ST8SIA5: variants seen among roughly 807,000 people sequenced by gnomAD.
ST8SIA5 encodes the protein alpha-2,8-sialyltransferase 8E.
Under a neutral mutation model 40.2 loss-of-function variants are expected in ST8SIA5, and 24 were observed. The ratio of observed to expected loss-of-function variants is 0.60; its 90% CI spans 0.43 to 0.84. The LOEUF (loss-of-function observed/expected upper bound fraction) is 0.84, where lower values mean the gene tolerates loss of function less well. Among genes scored for constraint, ST8SIA5 ranks in the 40% least tolerant of loss-of-function variants. The probability of loss-of-function intolerance (pLI) is 0.00; values close to 1 mark genes in which losing one functional copy is unlikely to be tolerated. For missense variants in ST8SIA5, 465 were observed against 498.5 expected (o/e 0.93, Z 0.64); for synonymous variants, 198 against 201.8 (o/e 0.98, Z 0.16).
At chr18:46,701,608 G>T (rs2039617462) in intron 2 of ST8SIA5, among the ~76,000 whole-genome samples, 1 of 152,126 alleles carries the variant, frequency 6.6e-6, no homozygotes. Flanking sequence ...AAGGAGAGAG[G>T]CCTCAGAAGA....
intron 3 of ST8SIA5, among the ~76,000 whole-genome samples, chr18:46,690,737 C>A (rs2039496742): frequency 6.6e-6 from 1 of 151,840 alleles, no homozygotes; most frequent in Non-Finnish European, 1.5e-5. Flanking sequence ...CCTCAGCCTC[C>A]CAAGTAGCTA....
At chr18:46,689,291 AT>A (rs143775303) in intron 3 of ST8SIA5, among the ~76,000 whole-genome samples, 89 of 152,256 alleles carry the variant, frequency 5.8e-4, no homozygotes, top group Middle Eastern at 3.4e-3. Flanking sequence ...TCTGCACTGT[AT>A]GGAACTCCTC....
chr18:46,739,785 C>T (rs2040070805), intron 1 of ST8SIA5, among the ~76,000 whole-genome samples: 1 of 152,206 alleles, frequency 6.6e-6, no homozygotes, highest in African/African-American at 2.4e-5. Flanking sequence ...GCCCTCAGCT[C>T]TCATTCCTCT....
At chr18:46,703,238 T>C (rs1368839537) in intron 2 of ST8SIA5, among the ~76,000 whole-genome samples, 1 of 152,144 alleles carries the variant, frequency 6.6e-6, no homozygotes, top group Non-Finnish European at 1.5e-5. Context: ...CTCCACCTCC[T>C]GGGTTCACGC....
intron 1 of ST8SIA5, chr18:46,721,353 G>T: frequency 6.5e-7 from 1 of 1,535,924 alleles, no homozygotes; most frequent in Non-Finnish European, 8.7e-7. Flanking sequence ...CTTTTGCCGG[G>T]GTCTGTACCT....
intron 1 of ST8SIA5, among the ~76,000 whole-genome samples, chr18:46,705,990 A>G (rs2039666586): frequency 6.6e-6 from 1 of 152,044 alleles, no homozygotes; most frequent in African/African-American, 2.4e-5. Flanking sequence ...ATTTTACCCA[A>G]TATATTGGCT....
intron 2 of ST8SIA5, among the ~76,000 whole-genome samples, chr18:46,702,238 A>C (rs2039625602): frequency 6.6e-6 from 1 of 152,166 alleles, no homozygotes; most frequent in Non-Finnish European, 1.5e-5. Flanking sequence ...GCACAGTAAA[A>C]CATGGAAGGG....
At chr18:46,700,680 C>A (rs71364560) in intron 2 of ST8SIA5, among the ~76,000 whole-genome samples, 10,046 of 152,248 alleles carry the variant, frequency 0.066, 418 homozygotes, top group East Asian at 0.16. Context: ...GGAGGGCATG[C>A]AAAGCCCAGC....
At chr18:46,745,519 A>G (rs1244249265) in intron 1 of ST8SIA5, among the ~76,000 whole-genome samples, 1 of 152,242 alleles carries the variant, frequency 6.6e-6, no homozygotes, top group African/African-American at 2.4e-5. Flanking sequence ...TAAACCAGGA[A>G]GAAGTTGAAT....
intron 1 of ST8SIA5, among the ~76,000 whole-genome samples, chr18:46,728,564 G>A (rs2039955076): frequency 6.6e-6 from 1 of 152,220 alleles, no homozygotes; most frequent in African/African-American, 2.4e-5. Context: ...CACCCCTGAT[G>A]CCAGAGCCCA....
At chr18:46,700,502 C>T (rs535100392) in intron 2 of ST8SIA5, among the ~76,000 whole-genome samples, 10 of 152,324 alleles carry the variant, frequency 6.6e-5, no homozygotes, top group Admixed American at 5.9e-4. Context: ...AGATCAGAGG[C>T]CGGCCTCTGC....
chr18:46,687,062 T>C (rs1025456622), intron 4 of ST8SIA5, among the ~76,000 whole-genome samples: 26 of 152,208 alleles, frequency 1.7e-4, no homozygotes, highest in African/African-American at 4.8e-5. Flanking sequence ...CTATGTCACA[T>C]TGCTTTAATT....
At chr18:46,729,748 C>T (rs867000508) in intron 1 of ST8SIA5, among the ~76,000 whole-genome samples, 5 of 152,202 alleles carry the variant, frequency 3.3e-5, no homozygotes, top group South Asian at 2.1e-4. Context: ...GACAGTGTTG[C>T]GACCAACAAT....
rs1274865455 is a variant in ST8SIA5 at position 46,686,290 on chromosome 18, G to C, written c.457-4C>G. The C allele has an allele frequency of 1.2e-6, 2 of 1,613,770 alleles. No homozygotes were observed. Among genetic ancestry groups the C allele is most frequent in the Non-Finnish European group, 8.5e-7 (1 of 1,179,740 alleles). ...GGGACCGGTAGTAGGGCATGTCCTG[G>C]GGGAGGCACAGGCACAGCTGTCAGA... On this transcript the variant is annotated splice_polypyrimidine_tract_variant and splice_region_variant and intron_variant, in intron 4 of 6. Coordinates refer to ENST00000315087, the MANE Select transcript of ST8SIA5 (RefSeq NM_013305.6).
chr18:46,683,121 A>G (rs1336010848), intron 5 of ST8SIA5, among the ~76,000 whole-genome samples: 2 of 152,176 alleles, frequency 1.3e-5, no homozygotes, highest in Non-Finnish European at 2.9e-5. Context: ...TACATATGAC[A>G]AAACAATTTT....
At chr18:46,692,344 T>G (rs2039514477) in intron 2 of ST8SIA5, 89 bp from the exon 3 acceptor site, 2 of 1,172,796 alleles carry the variant, frequency 1.7e-6, no homozygotes, top group South Asian at 2.5e-5. Flanking sequence ...TGATCTCCCA[T>G]AGGCCAAGTC....
intron 1 of ST8SIA5, among the ~76,000 whole-genome samples, chr18:46,739,179 G>C (rs759653347): frequency 6.6e-6 from 1 of 152,188 alleles, no homozygotes; most frequent in African/African-American, 2.4e-5. Flanking sequence ...AAGACAGCTG[G>C]GAGGGGACAG....
chr18:46,680,032 C>T lies in ST8SIA5; in HGVS notation c.*10G>A, dbSNP rs1457566428. On this transcript the variant is annotated 3_prime_UTR_variant, in exon 7 of 7. Coordinates refer to ENST00000315087, the MANE Select transcript of ST8SIA5 (RefSeq NM_013305.6). ...GGGCGCCGCTTGCCGGGCAGCCTGG[C>T]TGGCAGCCATCAGCAGCAGCTGCAG... is the stretch of plus-strand genomic sequence containing the variant. 13 of 1,593,116 alleles carry T rather than the reference C, an allele frequency of 8.2e-6. No homozygotes were observed. Among genetic ancestry groups the T allele is most frequent in the Admixed American group, 1.7e-5 (1 of 59,096 alleles).
chr18:46,680,063 C>G lies in ST8SIA5; in HGVS notation c.1110G>C (p.Thr370=), dbSNP rs756123767. The part of the protein sequence containing the change: ...LHSRGILRVH[T]GTCSCC ...GCCATCAGCAGCAGCTGCAGGTGCC[C>G]GTGTGCACGCGGAGGATGCCTCGGC... is the stretch of plus-strand genomic sequence containing the variant. Residue 370 remains threonine, a synonymous_variant, in exon 7 of 7, where the codon ACG becomes ACC. Transcript: ENST00000315087. The G allele has an allele frequency of 4.4e-6, 7 of 1,608,238 alleles. No individual in the cohort carries two copies. The Admixed American group carries it at 1.0e-4, about 23-fold the overall frequency.
Sources: allele counts gnomAD v4.1 joint callset (sites outside exome capture counted in the v4.1 genomes callset), GRCh38; gene constraint gnomAD v4.1.1; transcripts MANE v1.5; gene names NCBI Gene and HGNC (gene_info 2026-07-23, HGNC 2026-07-21).